The following SLC25A48 variants were observed in gnomAD, a reference collection of about 807,000 sequenced individuals.
SLC25A48 encodes the protein solute carrier family 25 member 48.
SLC25A48 carries 29 observed loss-of-function variants against 32.2 expected under a neutral mutation model. That is an observed-to-expected ratio of 0.90 (90% CI 0.67 to 1.23). The LOEUF (loss-of-function observed/expected upper bound fraction) is 1.23, where lower values mean the gene tolerates loss of function less well. SLC25A48 is among the 50% of genes most tolerant of loss of function. SLC25A48 has a pLI of 0.00. For synonymous variants in SLC25A48, 164 were observed against 172.3 expected, an observed-to-expected ratio of 0.95 and a Z score of 0.38; for missense variants, 399 against 422.7, an observed-to-expected ratio of 0.94 and a Z score of 0.49.
intron 3 of SLC25A48, among the ~76,000 whole-genome samples, chr5:135,751,405 A>G (rs1045255790): frequency 1.3e-5 from 2 of 152,152 alleles, no homozygotes; most frequent in South Asian, 4.1e-4. Context: ...GTGGTTCCTT[A>G]GGGACACAGA....
intron 3 of SLC25A48, among the ~76,000 whole-genome samples, chr5:135,640,533 T>C (rs965284310): frequency 3.3e-5 from 5 of 152,028 alleles, no homozygotes; most frequent in Admixed American, 1.3e-4. Context: ...CAAAATATTA[T>C]ACAAGAGGAA....
intron 6 of SLC25A48, among the ~76,000 whole-genome samples, chr5:135,878,333 T>G (rs1762202250): frequency 6.6e-6 from 1 of 152,184 alleles, no homozygotes; most frequent in African/African-American, 2.4e-5. Context: ...GGAACCTCTG[T>G]GGGCACCGGC....
chr5:135,601,601 C>T (rs529909150), intron 1 of SLC25A48, among the ~76,000 whole-genome samples: 1 of 152,316 alleles, frequency 6.6e-6, no homozygotes, highest in Admixed American at 6.5e-5. Context: ...TCCCTTTCCT[C>T]CCCAAGCTTT....
intron 7 of SLC25A48, among the ~76,000 whole-genome samples, chr5:135,880,378 C>T (rs79149963): frequency 0.036 from 5,489 of 152,130 alleles, 366 homozygotes; most frequent in African/African-American, 0.13. Context: ...GCAGCTTCAA[C>T]AGCCCTTTCA....
At chr5:135,840,587 T>C (rs1758909043) in intron 1 of SLC25A48, among the ~76,000 whole-genome samples, 2 of 152,242 alleles carry the variant, frequency 1.3e-5, no homozygotes, top group South Asian at 4.1e-4. Flanking sequence ...CTCTTCCCAG[T>C]CCTGGCAACC....
At position 135,782,513 on chromosome 5, in the gene SLC25A48, A is replaced by G. The variant is rs1381757983; in HGVS notation, c.-520-30010A>G. Among the ~76,000 whole-genome samples, 2 of 116,646 alleles carry G rather than the reference A, an allele frequency of 1.7e-5. 1 individual carries two copies. Among genetic ancestry groups the G allele is most frequent in the Non-Finnish European group, 4.2e-5 (2 of 47,250 alleles). The allele number at this position is 116,646 out of a possible 152,430, so 76.5% of individuals were successfully genotyped here. ...GTGTGTACAACATCCCTGAGATTTT[A>G]TTCCTAATATCCAGGGAAGGAGAGG... On this transcript the variant is annotated intron_variant, in intron 3 of 10. Coordinates refer to the SLC25A48 transcript ENST00000646290.
At chr5:135,846,446 C>T (rs912909736) in intron 2 of SLC25A48, among the ~76,000 whole-genome samples, 2 of 152,214 alleles carry the variant, frequency 1.3e-5, no homozygotes, top group Non-Finnish European at 2.9e-5. Flanking sequence ...CTGGGGCATG[C>T]ATCTTGGCCC....
At chr5:135,871,074 C>CACACACACACAA (rs1761603705) in intron 4 of SLC25A48, among the ~76,000 whole-genome samples, 1 of 92,480 alleles carries the variant, frequency 1.1e-5, no homozygotes, top group Non-Finnish European at 2.0e-5. Context: ...CACACACACA[C>CACACACACACAA]ACACACACAC....
chr5:135,598,932 T>A (rs1751722187), intron 1 of SLC25A48, among the ~76,000 whole-genome samples: 1 of 152,098 alleles, frequency 6.6e-6, no homozygotes, highest in South Asian at 2.1e-4. Context: ...ACAGCAAAAG[T>A]AGAGGGGAGT....
intron 3 of SLC25A48, among the ~76,000 whole-genome samples, chr5:135,766,601 G>A (rs961783312): frequency 6.6e-6 from 1 of 151,244 alleles, no homozygotes; most frequent in Non-Finnish European, 1.5e-5. Context: ...CCCATCCCAC[G>A]GAAGGTGGTA....
chr5:135,608,435 C>T (rs1751989809), intron 1 of SLC25A48, among the ~76,000 whole-genome samples: 1 of 152,214 alleles, frequency 6.6e-6, no homozygotes, highest in Non-Finnish European at 1.5e-5. Flanking sequence ...TGAGCAGCTG[C>T]TGTTCTTTTC....
At chr5:135,591,601 C>T (rs902207889) in intron 1 of SLC25A48, among the ~76,000 whole-genome samples, 2 of 152,218 alleles carry the variant, frequency 1.3e-5, no homozygotes, top group African/African-American at 2.4e-5. Flanking sequence ...ACGCAGCTCC[C>T]ATTGCTTTTC....
At chr5:135,716,468 A>G (rs1161366307) in intron 3 of SLC25A48, among the ~76,000 whole-genome samples, 1 of 152,160 alleles carries the variant, frequency 6.6e-6, no homozygotes, top group Non-Finnish European at 1.5e-5. Flanking sequence ...GCTTCCCAAG[A>G]GATTGGGGTA....
At chr5:135,794,314 G>T (rs956686135) in intron 3 of SLC25A48, among the ~76,000 whole-genome samples, 3 of 151,414 alleles carry the variant, frequency 2.0e-5, no homozygotes, top group Non-Finnish European at 4.4e-5. Flanking sequence ...TATCCAGGGG[G>T]TGAGAGGATA....
chr5:135,661,060 C>T (rs1209831725), intron 3 of SLC25A48, among the ~76,000 whole-genome samples: 1 of 152,238 alleles, frequency 6.6e-6, no homozygotes, highest in African/African-American at 2.4e-5. Flanking sequence ...GAGAATGAGG[C>T]AGACAGCCCT....
chr5:135,874,409 G>A (rs916384766), intron 6 of SLC25A48, among the ~76,000 whole-genome samples: 1 of 152,216 alleles, frequency 6.6e-6, no homozygotes, highest in Non-Finnish European at 1.5e-5. Flanking sequence ...CCACACAGCT[G>A]GTCCATGGTG....
chr5:135,745,955 C>T (rs543773929), intron 3 of SLC25A48, among the ~76,000 whole-genome samples: 8 of 152,252 alleles, frequency 5.3e-5, no homozygotes, highest in African/African-American at 1.9e-4. Context: ...AACTTCTGTC[C>T]CGGATCCTCT....
chr5:135,599,382 G>C (rs1995773), intron 1 of SLC25A48, among the ~76,000 whole-genome samples: 1 of 152,030 alleles, frequency 6.6e-6, no homozygotes, highest in Non-Finnish European at 1.5e-5. Flanking sequence ...GGAGTGCCCC[G>C]CTCCTGTCAG....
chr5:135,638,918 A>G (rs1009133043), intron 3 of SLC25A48, among the ~76,000 whole-genome samples: 1 of 152,222 alleles, frequency 6.6e-6, no homozygotes, highest in African/African-American at 2.4e-5. Context: ...AAACCCAGCA[A>G]GACAAAACAC....
Sources: gnomAD v4.1 joint callset for allele counts (sites outside exome capture counted in the v4.1 genomes callset) on GRCh38, gnomAD v4.1.1 for gene constraint, MANE v1.5 for transcripts, NCBI Gene and HGNC (gene_info 2026-07-23, HGNC 2026-07-21) for gene names.